PLCD1: variants seen among roughly 807,000 people sequenced by gnomAD.
PLCD1 encodes 1-phosphatidylinositol 4,5-bisphosphate phosphodiesterase delta-1.
PLCD1 carries 71 observed loss-of-function variants against 87.4 expected under a neutral mutation model. The ratio of observed to expected loss-of-function variants is 0.81; its 90% CI spans 0.67 to 0.99. The LOEUF is 0.99. Among genes scored for constraint, PLCD1 ranks in the 50% least tolerant of loss-of-function variants. The pLI, the probability that PLCD1 is intolerant of heterozygous loss-of-function variation, is 0.00. For missense variants in PLCD1, 867 were observed against 1,001.5 expected, an observed-to-expected ratio of 0.87 and a Z score of 1.81; for synonymous variants, 348 against 399.2, an observed-to-expected ratio of 0.87 and a Z score of 1.53.
intron 3 of PLCD1, among the ~76,000 whole-genome samples, chr3:38,015,462 C>T (rs529281154): frequency 7.2e-5 from 11 of 152,256 alleles, no homozygotes; most frequent in Non-Finnish European, 1.2e-4. Context: ...CTAAGGGGTA[C>T]AGTGTTTCTT....
At position 38,009,752 on chromosome 3, in the gene PLCD1, T is replaced by C. The variant is rs1336335849; in HGVS notation, c.1347A>G (p.Gly449=). 1.2e-6 allele frequency: 2 copies of C among 1,613,894 alleles called. No homozygotes were observed. The highest frequency in any genetic ancestry group is 1.7e-6 in the Non-Finnish European group (2 of 1,179,900). ...GKKLGGLLPP[G]GEGGPEATVV... ...CAGTGGCCTCAGGGCCACCCTCCCC[T>C]CCAGGGGGCAGGAGCCCCCCGAGCT... The change falls in exon 9 of 15, where the codon GGA becomes GGG. Residue 449 remains glycine (G), a synonymous_variant. Transcript: ENST00000334661.
chr3:38,009,206 C>T (rs1331586346), intron 10 of PLCD1, 48 bp from the exon 11 acceptor site: 3 of 1,612,872 alleles, frequency 1.9e-6, no homozygotes, highest in South Asian at 1.1e-5. Flanking sequence ...CCTGGTGAGG[C>T]CCAAGCCCTG....
rs1208625292 is a variant in PLCD1 at position 38,025,503 on chromosome 3, T to C, written c.34+4003A>G. ...AATTGCTCAACTAATTCATTGCGAC[T>C]CAGCTTGCTGTTGCCTCATTTGTGA... On this transcript the variant is annotated intron_variant, in intron 1 of 14. Transcript: ENST00000334661. The surrounding 1 kb of genome is among the most constrained non-coding windows in gnomAD (Gnocchi z 4.0). 6.6e-6 allele frequency among the ~76,000 whole-genome samples: 1 copy of C among 152,150 alleles called. No individual in the cohort carries two copies. The highest frequency in any genetic ancestry group is 1.5e-5 in the Non-Finnish European group (1 of 68,024).
chr3:38,026,560 G>A (rs1343046871), intron 1 of PLCD1, among the ~76,000 whole-genome samples: 2 of 152,208 alleles, frequency 1.3e-5, no homozygotes, highest in African/African-American at 4.8e-5. Flanking sequence ...ATAATCCTGA[G>A]AAGGGGTCTA....
intron 2 of PLCD1, 103 bp from the exon 3 acceptor site, chr3:38,016,822 G>A: frequency 1.2e-6 from 1 of 846,154 alleles, no homozygotes; most frequent in Non-Finnish European, 2.0e-6. Context: ...ATGGCTTGGA[G>A]ACACAGAGCC....
intron 2 of PLCD1, 80 bp from the exon 3 acceptor site, chr3:38,016,799 A>C (rs1700163365): frequency 5.0e-6 from 5 of 992,436 alleles, no homozygotes; most frequent in Non-Finnish European, 7.8e-6. Context: ...CCAAGGCCAC[A>C]GTAGAGAGGG....
rs202193094 is a variant in PLCD1, at chr3:38,010,336, C to T, written c.992+25G>A. On this transcript the variant is annotated intron_variant, in intron 6 of 14. Transcript: ENST00000334661. ...CTGTCCCGGGTCCCACCCAGACTCC[C>T]GACCCAAGGCTCCCTGAGCAGCACC... is the stretch of plus-strand genomic sequence containing the variant. 4,734 of 1,614,178 alleles carry T rather than the reference C, an allele frequency of 2.9e-3. 10 individuals carry two copies. Among genetic ancestry groups the T allele is most frequent in the Non-Finnish European group, 3.7e-3 (4,399 of 1,180,024 alleles).
intron 3 of PLCD1, 42 bp downstream of exon 3, chr3:38,016,449 G>T: frequency 7.2e-7 from 1 of 1,388,704 alleles, no homozygotes; most frequent in Non-Finnish European, 1.0e-6. Flanking sequence ...CACAGCCAGT[G>T]TCCACAAGCC....
chr3:38,009,832 G>A (rs1700039755), intron 8 of PLCD1, 21 bp from the exon 9 acceptor site: 1 of 1,613,492 alleles, frequency 6.2e-7, no homozygotes. Flanking sequence ...AGGGGCAACT[G>A]GTCAAGACAC....
chr3:38,028,676 C>T (rs1174302410), intron 1 of PLCD1, among the ~76,000 whole-genome samples: 1 of 152,246 alleles, frequency 6.6e-6, no homozygotes, highest in Non-Finnish European at 1.5e-5. Flanking sequence ...GGCAAGCCCC[C>T]ACCAAGAGTG....
In PLCD1 at chr3:38,011,258, G is replaced by A. The variant is rs372208980; in HGVS notation, c.746C>T (p.Ala249Val). The A allele has an allele frequency of 9.9e-6, 16 of 1,611,198 alleles. No individual in the cohort carries two copies. Among genetic ancestry groups the A allele is most frequent in the East Asian group, 6.7e-5 (3 of 44,892 alleles). Residue 249 changes from alanine (A) to valine (V), a missense_variant, in exon 5 of 15, where the codon GCG becomes GTG. Ala to Val is a moderately conservative substitution (Grantham distance 64). Transcript: ENST00000334661. ...HQQREEAAGP[A>V]LALSLIERYE... is the part of the protein sequence containing the mutation. The stretch of plus-strand genomic sequence containing the variant: ...GCGCTCAATGAGGGAGAGGGCCAGC[G>A]CAGGCCCTGCCGCCTCCTCCCGCTG...
At chr3:38,021,537 T>C (rs73825468) in intron 1 of PLCD1, among the ~76,000 whole-genome samples, 3,098 of 152,234 alleles carry the variant, frequency 0.02, 63 homozygotes, top group African/African-American at 0.054. Flanking sequence ...TACCAACTGA[T>C]AAAGTTGATA....
rs78861435 is a variant in PLCD1, at chr3:38,010,476, G to A, written c.877C>T (p.Arg293Cys). 2.4e-3 allele frequency: 3,921 copies of A among 1,614,100 alleles called. 67 individuals carry two copies. The African/African-American group carries it at 0.037, about 15-fold the overall frequency. The part of the protein sequence containing the change: ...DGSAFSLAHR[R>C]VYQDMGQPLS... ...GGCTGGCCCATGTCCTGGTAGACACGGCGGTGTGCCAGGCTGAAGGCGCTG... is the reference window on the plus strand; with the variant it reads ...GGCTGGCCCATGTCCTGGTAGACACAGCGGTGTGCCAGGCTGAAGGCGCTG... Residue 293 changes from arginine to cysteine, a missense_variant, in exon 6 of 15, where the codon CGT becomes TGT. Arg to Cys is a radical substitution (Grantham distance 180, BLOSUM62 -3). Transcript: ENST00000334661.
chr3:38,026,282 G>A (rs549175657), intron 1 of PLCD1, among the ~76,000 whole-genome samples: 1 of 152,330 alleles, frequency 6.6e-6, no homozygotes, highest in South Asian at 2.1e-4. Context: ...ACTTTGGGAG[G>A]CCAAGGTAGG....
In PLCD1 at chr3:38,029,406, G is replaced by C. The variant is rs530438927; in HGVS notation, c.34+100C>G. 4.0e-3 allele frequency: 4,279 copies of C among 1,069,694 alleles called. 21 individuals carry two copies. The highest frequency in any genetic ancestry group is 0.016 in the Middle Eastern group (57 of 3,540). 66.3% of individuals were successfully genotyped at this position (1,069,694 alleles called of 1,614,324 possible). Reference sequence around the variant, plus strand: ...AGAGGCGGGCCCGGGGTGGTGTGGAGGCGGCCGAAGGAGCTGGGGGCTCCC... The same window carrying C: ...AGAGGCGGGCCCGGGGTGGTGTGGACGCGGCCGAAGGAGCTGGGGGCTCCC... On this transcript the variant is annotated intron_variant, in intron 1 of 14. Transcript: ENST00000334661.
rs186193614 is a variant in PLCD1 at position 38,013,194 on chromosome 3, T to C, written c.429-1521A>G. ...TGTGAGCCGCCGAGCCCAGCCTTTC[T>C]GGATTTTAATTTTCTTTTTTTTTTT... On this transcript the variant is annotated intron_variant, in intron 3 of 14. Transcript: ENST00000334661. Among the ~76,000 whole-genome samples the C allele has an allele frequency of 6.7e-5, 10 of 149,730 alleles. No individual in the cohort carries two copies. In the East Asian group the frequency reaches 2.0e-3, roughly 29 times the overall value.
rs1049566685 is a variant in PLCD1, at chr3:38,018,784, A to T, written c.199+1404T>A. ...AAGGAGCCTGTCTGGCGCCACAGAG[A>T]AAAGGTCAGGCGGTCACTCCTGTAC... On this transcript the variant is annotated intron_variant, in intron 2 of 14. Transcript: ENST00000334661. This position sits in a 1 kb window ranked among gnomAD's most constrained non-coding sequence, Gnocchi z 5.7. Among the ~76,000 whole-genome samples, 17 of 152,138 alleles carry T rather than the reference A, an allele frequency of 1.1e-4. No homozygotes were observed. The highest frequency in any genetic ancestry group is 2.9e-4 in the African/African-American group (12 of 41,432).
chr3:38,020,332 G>C lies in PLCD1; in HGVS notation c.55C>G (p.Leu19Val). The change falls in exon 2 of 15, where the codon CTA becomes GTA. Residue 19 changes from leucine to valine, a missense_variant. Leu to Val is a conservative substitution (Grantham distance 32, BLOSUM62 1). Transcript: ENST00000334661. ...TGGCTGCCCTTCAGCAGCGCCTGTAGATCCTCATCATCCTGTAGGCCTGGG... is the reference window on the plus strand; with the variant it reads ...TGGCTGCCCTTCAGCAGCGCCTGTACATCCTCATCATCCTGTAGGCCTGGG... ...TLHGLQDDED[L>V]QALLKGSQLL... The C allele has an allele frequency of 6.2e-7, 1 of 1,613,982 alleles. No individual in the cohort carries two copies. The highest frequency in any genetic ancestry group is 8.5e-7 in the Non-Finnish European group (1 of 1,180,002).
At chr3:38,011,771 A>G (rs1700082077) in intron 3 of PLCD1, 98 bp from the exon 4 acceptor site, 1 of 1,150,846 alleles carries the variant, frequency 8.7e-7, no homozygotes, top group Non-Finnish European at 1.3e-6. Context: ...CTATAGCCAC[A>G]GCTCCCTGCA....
Sources: gnomAD v4.1 joint callset for allele counts (sites outside exome capture counted in the v4.1 genomes callset) on GRCh38, gnomAD v4.1.1 for gene constraint, Gnocchi (gnomAD v3.1) non-coding constraint, MANE v1.5 for transcripts, NCBI Gene and HGNC (gene_info 2026-07-23, HGNC 2026-07-21) for gene names.